Variants in MLC1 observed in about 807,000 individuals in gnomAD.
MLC1 encodes the protein modulator of VRAC current 1, also known as membrane protein MLC1.
A neutral mutation model predicts 44.7 loss-of-function variants in MLC1; 32 were observed. The ratio of observed to expected loss-of-function variants is 0.72; its 90% CI spans 0.54 to 0.96. The LOEUF is 0.96. Among genes scored for constraint, MLC1 ranks in the 40% least tolerant of loss-of-function variants. The pLI, the probability that MLC1 is intolerant of heterozygous loss-of-function variation, is 0.00. For missense variants in MLC1, 459 were observed against 492.2 expected, an observed-to-expected ratio of 0.93 and a Z score of 0.64; for synonymous variants, 190 against 213.0, an observed-to-expected ratio of 0.89 and a Z score of 0.94.
At chr22:50,077,360 C>G in intron 6 of MLC1, 41 bp downstream of exon 6, 1 of 1,575,512 alleles carries the variant, frequency 6.3e-7, no homozygotes, top group Non-Finnish European at 8.7e-7. Context: ...GGGGTGATGC[C>G]TCTGCACCCC....
intron 3 of MLC1, 59 bp from the exon 4 acceptor site, chr22:50,080,456 A>G (rs1040284141): frequency 6.6e-7 from 1 of 1,508,506 alleles, no homozygotes; most frequent in South Asian, 1.2e-5. Context: ...GAGACTCTGA[A>G]ATACTCTAAC....
chr22:50,084,024 C>T (rs1464434475), intron 2 of MLC1, among the ~76,000 whole-genome samples: 3 of 152,152 alleles, frequency 2.0e-5, no homozygotes, highest in East Asian at 3.9e-4. Context: ...GCTGCAGGGG[C>T]TGCCGGCGGA....
At chr22:50,076,602 C>T (rs570983996) in intron 7 of MLC1, among the ~76,000 whole-genome samples, 67 of 151,998 alleles carry the variant, frequency 4.4e-4, no homozygotes, top group African/African-American at 1.4e-3. Context: ...AACTCACCTA[C>T]GGCAGTAACA....
At position 50,067,425 on chromosome 22, in the gene MLC1, T is replaced by A. The variant is rs558853153; in HGVS notation, c.894+1008A>T. Among the ~76,000 whole-genome samples, 4 of 104,368 alleles carry A rather than the reference T, an allele frequency of 3.8e-5. No individual in the cohort carries two copies. The Admixed American group carries it at 4.8e-4, about 13-fold the overall frequency. The allele number at this position is 104,368 out of a possible 152,430, so 68.5% of individuals were successfully genotyped here. ...CATCCCCCGTCAGGCAGTGACTCTA[T>A]CCCCTGTCAGGCAGTGACTCCATCC... On this transcript the variant is annotated intron_variant, in intron 10 of 11. Transcript: ENST00000311597.
At chr22:50,080,174 G>A (rs555567941) in intron 4 of MLC1, among the ~76,000 whole-genome samples, 155 bp from the exon 5 acceptor site, 10 of 152,402 alleles carry the variant, frequency 6.6e-5, no homozygotes, top group South Asian at 4.1e-4. Flanking sequence ...CCCTCTGTGC[G>A]GCAAAGGCTG....
chr22:50,075,910 G>A (rs1421433666), intron 7 of MLC1, among the ~76,000 whole-genome samples: 1 of 152,134 alleles, frequency 6.6e-6, no homozygotes. Flanking sequence ...GCGGAGGGAA[G>A]GGGGACAGAC....
chr22:50,075,389 A>G (rs1036299855), intron 7 of MLC1, among the ~76,000 whole-genome samples: 2 of 152,198 alleles, frequency 1.3e-5, no homozygotes, highest in Non-Finnish European at 2.9e-5. Context: ...TTGCGTCCAG[A>G]AGGCACAAAA....
Position 50,083,036 on chromosome 22 carries a change from G to A in MLC1, c.267+48C>T, listed in dbSNP as rs765862361. 3 of 1,556,438 alleles carry A rather than the reference G, an allele frequency of 1.9e-6. No homozygotes were observed. The highest frequency in any genetic ancestry group is 4.5e-5 in the East Asian group (2 of 44,620). On this transcript the variant is annotated intron_variant, in intron 3 of 11. Transcript: ENST00000311597. The surrounding 1 kb of genome is among the most constrained non-coding windows in gnomAD (Gnocchi z 4.6). ...TCTCAGAACAAAGAAACCAGAGCAC[G>A]TGCCGGCGAGCTTGGGCACTGGCAG...
chr22:50,064,163 T>TAGCAGC lies in MLC1; in HGVS notation c.924_929dup (p.Leu309_Leu310dup), dbSNP rs761096481. On this transcript the variant is annotated inframe_insertion, in exon 11 of 12. Transcript: ENST00000311597. ...TGAGGCCGGCCTGCAGCAGGAGCAC[T>TAGCAGC]AGCAGCAGCAGCAGCAGCAGCACAT... The TAGCAGC allele has an allele frequency of 6.2e-7, 1 of 1,604,630 alleles. No individual in the cohort carries two copies. The highest frequency in any genetic ancestry group is 8.5e-7 in the Non-Finnish European group (1 of 1,178,986).
intron 3 of MLC1, among the ~76,000 whole-genome samples, chr22:50,081,705 C>T (rs1602058453): frequency 6.6e-6 from 1 of 152,252 alleles, no homozygotes; most frequent in Non-Finnish European, 1.5e-5. Context: ...GAGCGAGGGG[C>T]AGAGCTAGGG....
chr22:50,071,217 G>A (rs2061843971), intron 8 of MLC1, among the ~76,000 whole-genome samples: 1 of 151,598 alleles, frequency 6.6e-6, no homozygotes, highest in Non-Finnish European at 1.5e-5. Flanking sequence ...CAAGCCTCCT[G>A]AGTAGCTGGG....
rs771218680 is a variant in MLC1, at chr22:50,079,953, CA to C, written c.387del (p.Phe129LeufsTer5). On this transcript the variant is annotated frameshift_variant, in exon 5 of 12. Transcript: ENST00000311597. LOFTEE classifies it high-confidence loss of function. ...FAVTTTCLIW[F>X]GCKLVLNPSA... ...GATGGGTTCAGGACTAGTTTGCATC[CA>C]AACCAAATTAAACACGTAGTGGTCA... 1 of 1,614,094 alleles carries C rather than the reference CA, an allele frequency of 6.2e-7. No individual in the cohort carries two copies. Among genetic ancestry groups the C allele is most frequent in the Non-Finnish European group, 8.5e-7 (1 of 1,179,958 alleles).
At chr22:50,072,425 C>T (rs1347597299) in intron 8 of MLC1, among the ~76,000 whole-genome samples, 2 of 152,224 alleles carry the variant, frequency 1.3e-5, no homozygotes, top group African/African-American at 4.8e-5. Context: ...ACGCATGCCT[C>T]AGCGCTCTCC....
At chr22:50,084,443 C>T (rs1201906951) in intron 2 of MLC1, among the ~76,000 whole-genome samples, 3 of 152,246 alleles carry the variant, frequency 2.0e-5, no homozygotes, top group African/African-American at 7.2e-5. Flanking sequence ...GTCATGGAGA[C>T]TCCTGGGGCC....
At chr22:50,071,949 G>C (rs146816468) in intron 8 of MLC1, among the ~76,000 whole-genome samples, 1,872 of 152,282 alleles carry the variant, frequency 0.012, 32 homozygotes, top group East Asian at 0.04. Flanking sequence ...AGGGGAGCCT[G>C]GGCAGCAGGG....
At chr22:50,073,245 G>A (rs1305199898) in intron 8 of MLC1, among the ~76,000 whole-genome samples, 2 of 152,248 alleles carry the variant, frequency 1.3e-5, no homozygotes, top group Admixed American at 6.5e-5. Flanking sequence ...TCCTGCTCAT[G>A]TACATAAGAG....
At chr22:50,070,674 G>T in intron 8 of MLC1, 91 bp from the exon 9 acceptor site, 1 of 1,358,724 alleles carries the variant, frequency 7.4e-7, no homozygotes, top group African/African-American at 1.4e-5. Flanking sequence ...ACCCCTCCAT[G>T]CAGGCTGCCT....
chr22:50,067,703 C>G (rs1569243744), intron 10 of MLC1, among the ~76,000 whole-genome samples: 1 of 136,150 alleles, frequency 7.3e-6, no homozygotes, highest in African/African-American at 2.8e-5. Flanking sequence ...TGACCCCATC[C>G]TCCATCAGAC....
intron 4 of MLC1, 26 bp downstream of exon 4, chr22:50,080,318 A>C (rs374571213): frequency 6.3e-7 from 1 of 1,598,672 alleles, no homozygotes; most frequent in Admixed American, 1.7e-5. Flanking sequence ...TCTCCCTGGC[A>C]GAGGCTGCCT....
Sources: gnomAD v4.1 joint callset for allele counts (sites outside exome capture counted in the v4.1 genomes callset) on GRCh38, gnomAD v4.1.1 for gene constraint, Gnocchi (gnomAD v3.1) non-coding constraint, MANE v1.5 for transcripts, NCBI Gene and HGNC (gene_info 2026-07-23, HGNC 2026-07-21) for gene names.